Variants in SORBS3 observed in about 807,000 individuals in gnomAD.
SORBS3 encodes the protein sorbin and SH3 domain containing 3, also known as vinexin.
In SORBS3, 69 loss-of-function variants were observed where a neutral mutation model predicts 98.0. The observed-to-expected ratio is 0.70, with a 90% CI of 0.58 to 0.86. The LOEUF is 0.86. Among genes scored for constraint, SORBS3 ranks in the 40% least tolerant of loss-of-function variants. SORBS3 has a pLI of 0.00. For missense variants in SORBS3, 954 were observed against 908.5 expected (o/e 1.05, Z -0.64); for synonymous variants, 394 against 355.4 (o/e 1.11, Z -1.22).
At position 22,575,422 on chromosome 8, in the gene SORBS3, G is replaced by T. The variant is rs191722898; in HGVS notation, c.*694G>T. ...CCAGGGAGACTGCTGTGTGCTGCCCGCCTGCCTGCTGGCTCTCCCCCAGCC... is the reference window on the plus strand; with the variant it reads ...CCAGGGAGACTGCTGTGTGCTGCCCTCCTGCCTGCTGGCTCTCCCCCAGCC... On this transcript the variant is annotated 3_prime_UTR_variant, in exon 21 of 21. Coordinates refer to ENST00000240123, the MANE Select transcript of SORBS3 (RefSeq NM_005775.5). 7.6e-5 allele frequency: 12 copies of T among 157,456 alleles called. No homozygotes were observed. In the East Asian group the frequency reaches 2.3e-3, roughly 30 times the overall value. 9.8% of individuals were successfully genotyped at this position (157,456 alleles called of 1,614,324 possible).
chr8:22,568,989 G>A (rs1294223166), intron 16 of SORBS3, among the ~76,000 whole-genome samples, 159 bp from the exon 17 acceptor site: 1 of 152,236 alleles, frequency 6.6e-6, no homozygotes, highest in Non-Finnish European at 1.5e-5. Flanking sequence ...CCCTTTGGCT[G>A]TGCCCACCCG....
chr8:22,557,867 G>GA lies in SORBS3; in HGVS notation c.415-256dup, dbSNP rs373563040. Among the ~76,000 whole-genome samples, 406 of 152,254 alleles carry GA rather than the reference G, an allele frequency of 2.7e-3. 3 individuals are homozygous for GA. Among genetic ancestry groups the GA allele is most frequent in the African/African-American group, 9.3e-3 (386 of 41,534 alleles). On this transcript the variant is annotated intron_variant, in intron 4 of 20. Transcript: ENST00000240123. ...CACTAGACATAAAGAAAAGCAAAGA[G>GA]AAAAAATGTAAATTGCCCCAAATCT...
intron 12 of SORBS3, 110 bp downstream of exon 12, chr8:22,565,982 AG>A (rs1840406274): frequency 2.6e-6 from 2 of 754,754 alleles, no homozygotes; most frequent in Admixed American, 4.5e-5. Context: ...CAGCCGGGGG[AG>A]GAAGGAACCG....
chr8:22,546,428 C>T lies in SORBS3; in HGVS notation n.144+1299C>T, dbSNP rs548489555. On this transcript the variant is annotated intron_variant and non_coding_transcript_variant, in intron 1 of 4. Transcript: ENST00000522037. ...CCCCTCCCAAGGGAGGGAATCCCAT[C>T]ACAATAAAAAGGACCTCTCTCTTTC... Among the ~76,000 whole-genome samples, 38 of 152,184 alleles carry T rather than the reference C, an allele frequency of 2.5e-4. No individual in the cohort carries two copies. The Middle Eastern group carries it at 0.01, about 41-fold the overall frequency.
chr8:22,560,491 C>T (rs555087701), intron 5 of SORBS3, among the ~76,000 whole-genome samples: 28 of 152,164 alleles, frequency 1.8e-4, no homozygotes, highest in African/African-American at 6.5e-4. Flanking sequence ...GGAGAGATCT[C>T]CCTGGGGCCA....
chr8:22,565,557 A>G (rs1453296314), intron 11 of SORBS3: 1 of 580,422 alleles, frequency 1.7e-6, no homozygotes, highest in Non-Finnish European at 2.5e-6. Flanking sequence ...TTCGCAAGTG[A>G]CCCCGAGGAG....
chr8:22,558,427 T>A (rs570877178), intron 5 of SORBS3, among the ~76,000 whole-genome samples: 1 of 152,338 alleles, frequency 6.6e-6, no homozygotes, highest in East Asian at 1.9e-4. Flanking sequence ...CACAGTGTCC[T>A]CTGAGGGGAC....
At chr8:22,560,940 A>C (rs1322404451) in intron 5 of SORBS3, 1 of 188,338 alleles carries the variant, frequency 5.3e-6, no homozygotes, top group Non-Finnish European at 1.1e-5. Flanking sequence ...AGAAATTCCC[A>C]GGCACCTTGA....
intron 9 of SORBS3, 32 bp from the exon 10 acceptor site, chr8:22,564,436 A>T (rs777767701): frequency 8.7e-6 from 14 of 1,613,928 alleles, no homozygotes. Flanking sequence ...AAGTGAGTTC[A>T]CCTGCTCTGA....
At chr8:22,568,032 T>G (rs1302127488) in intron 16 of SORBS3, among the ~76,000 whole-genome samples, 2 of 152,064 alleles carry the variant, frequency 1.3e-5, no homozygotes. Flanking sequence ...AATTTTTTAG[T>G]AGAGATGAGG....
intron 10 of SORBS3, 99 bp from the exon 11 acceptor site, chr8:22,565,169 C>G: frequency 6.7e-7 from 1 of 1,488,444 alleles, no homozygotes; most frequent in Non-Finnish European, 9.1e-7. Context: ...TTACGCCGGC[C>G]CGGTGCGCTG....
At chr8:22,566,925 G>A in intron 15 of SORBS3, 57 bp downstream of exon 15, 2 of 1,582,922 alleles carry the variant, frequency 1.3e-6, no homozygotes, top group South Asian at 2.2e-5. Flanking sequence ...CATCCCAGAG[G>A]GGGATGGGGA....
At chr8:22,550,408 C>T (rs980169761), upstream of SORBS3, among the ~76,000 whole-genome samples, 3 of 152,224 alleles carry the variant, frequency 2.0e-5, no homozygotes, top group African/African-American at 7.2e-5. Context: ...TCCTGGGAAG[C>T]CTTGGACCTG....
rs753027017 is a variant in SORBS3, at chr8:22,571,116, C to A, written c.1638C>A (p.Pro546=). Residue 546 remains proline, a synonymous_variant, in exon 18 of 21, where the codon CCC becomes CCA. Transcript: ENST00000240123. ...GCTCAGCCCGTCACCCCAGCTCCCC[C>A]TCAGCCCTGCGCAGCCCAGCTGACC... ...AARSARHPSS[P]SALRSPADPI... 1.9e-6 allele frequency: 3 copies of A among 1,608,126 alleles called. No homozygotes were observed. In the African/African-American group the frequency reaches 4.0e-5, roughly 21 times the overall value.
intron 10 of SORBS3, 103 bp from the exon 11 acceptor site, chr8:22,565,165 C>T: frequency 2.0e-6 from 3 of 1,476,846 alleles, no homozygotes; most frequent in Non-Finnish European, 2.8e-6. Context: ...GCCCTTACGC[C>T]GGCCCGGTGC....
chr8:22,548,878 A>T (rs1055262089), upstream of SORBS3, among the ~76,000 whole-genome samples: 6 of 152,104 alleles, frequency 3.9e-5, no homozygotes, highest in Non-Finnish European at 8.8e-5. Context: ...ATCCTTGGTG[A>T]CAGAGATTGC....
chr8:22,554,940 T>TG lies in SORBS3; in HGVS notation c.185dup (p.Tyr63LeufsTer79). 1 of 1,613,416 alleles carries TG rather than the reference T, an allele frequency of 6.2e-7. No individual in the cohort carries two copies. ...ACCCCGCGCCCAGGACTGTGTGCAATGGGGGCTACACACCAAGACGAGATG... is the reference window on the plus strand; with the variant it reads ...ACCCCGCGCCCAGGACTGTGTGCAATGGGGGGCTACACACCAAGACGAGATG... On this transcript the variant is annotated frameshift_variant, in exon 3 of 21. Transcript: ENST00000240123. LOFTEE classifies it high-confidence loss of function. The surrounding 1 kb of genome is among the most constrained non-coding windows in gnomAD (Gnocchi z 6.5).
At chr8:22,550,833 G>A (rs1840068582), upstream of SORBS3, among the ~76,000 whole-genome samples, 1 of 152,208 alleles carries the variant, frequency 6.6e-6, no homozygotes, top group Non-Finnish European at 1.5e-5. Context: ...ATCAGTAACT[G>A]TTGGTTGGTT....
chr8:22,574,586 C>A, intron 20 of SORBS3, 81 bp from the exon 21 acceptor site: 1 of 1,418,696 alleles, frequency 7.0e-7, no homozygotes, highest in Middle Eastern at 1.9e-4. Flanking sequence ...CTGGGCACTG[C>A]CGGCAGGGGG....
Sources: gnomAD v4.1 joint callset for allele counts (sites outside exome capture counted in the v4.1 genomes callset) on GRCh38, gnomAD v4.1.1 for gene constraint, Gnocchi (gnomAD v3.1) non-coding constraint, MANE v1.5 for transcripts, NCBI Gene and HGNC (gene_info 2026-07-23, HGNC 2026-07-21) for gene names.